The following RGL3 variants were observed in gnomAD, a reference collection of about 807,000 sequenced individuals.
RGL3 encodes the protein ral guanine nucleotide dissociation stimulator-like 3.
RGL3 carries 85 observed loss-of-function variants against 90.6 expected under a neutral mutation model. The ratio of observed to expected loss-of-function variants is 0.94; its 90% CI spans 0.79 to 1.12. The LOEUF is 1.12. Ranked by LOEUF, RGL3 falls within the 50% of genes most tolerant of loss-of-function variation. The probability of loss-of-function intolerance (pLI) is 0.00; values close to 1 mark genes in which losing one functional copy is unlikely to be tolerated. For missense variants in RGL3, 1,034 were observed against 939.2 expected (o/e 1.10, Z -1.32); for synonymous variants, 408 against 385.5 (o/e 1.06, Z -0.68).
chr19:11,397,741 G>T, intron 16 of RGL3, 144 bp from the exon 17 acceptor site: 1 of 856,866 alleles, frequency 1.2e-6, no homozygotes, highest in Non-Finnish European at 1.7e-6. Flanking sequence ...GGGCGCAGTG[G>T]CTCATGCCTG....
At chr19:11,413,704 T>C (rs1396752301) in intron 5 of RGL3, among the ~76,000 whole-genome samples, 1 of 149,268 alleles carries the variant, frequency 6.7e-6, no homozygotes, top group Non-Finnish European at 1.5e-5. Flanking sequence ...TGAATTTTAT[T>C]TAATTTTAAT....
At chr19:11,415,157 T>C (rs1197604878) in intron 5 of RGL3, among the ~76,000 whole-genome samples, 1 of 150,872 alleles carries the variant, frequency 6.6e-6, no homozygotes, top group Non-Finnish European at 1.5e-5. Flanking sequence ...AAAAATAAAA[T>C]TAAATTAAAT....
At position 11,407,466 on chromosome 19, in the gene RGL3, C is replaced by G. The variant is rs191891731; in HGVS notation, c.638-602G>C. ...AATTTGTCACACCTTTGGTAAATGG[C>G]AGGGCAGGGGTTTGAAGCCGGGTAC... On this transcript the variant is annotated intron_variant, in intron 5 of 18. Transcript: ENST00000380456. Among the ~76,000 whole-genome samples, 16 of 152,064 alleles carry G rather than the reference C, an allele frequency of 1.1e-4. No homozygotes were observed. In the East Asian group the frequency reaches 2.5e-3, roughly 24 times the overall value.
rs766688279 is a variant in RGL3, at chr19:11,400,224, T to C, written c.1558A>G (p.Ser520Gly). 3.8e-5 allele frequency: 61 copies of C among 1,594,608 alleles called. No homozygotes were observed. The South Asian group carries it at 6.8e-4, about 18-fold the overall frequency. The change falls in exon 14 of 19, where the codon AGC becomes GGC. Residue 520 changes from serine (S) to glycine (G), a missense_variant. Physicochemically the swap from Ser to Gly is moderately conservative, Grantham distance 56 (BLOSUM62 0). Transcript: ENST00000380456. ...PSSPRIRRRISLTKRLSAKLA... is the reference protein window; with the variant it reads ...PSSPRIRRRIGLTKRLSAKLA... ...CACGCACTGAGACGCTTGGTGAGGCTGATCCGCCGTCGGATGCGTGGGGAG... is the reference window on the plus strand; with the variant it reads ...CACGCACTGAGACGCTTGGTGAGGCCGATCCGCCGTCGGATGCGTGGGGAG...
Position 11,394,063 on chromosome 19 carries a change from C to T in RGL3, c.*339G>A, listed in dbSNP as rs1243893338. The T allele has an allele frequency of 1.2e-5, 3 of 241,662 alleles. No individual in the cohort carries two copies. Among genetic ancestry groups the T allele is most frequent in the Admixed American group, 5.0e-5 (1 of 19,926 alleles). 15.0% of individuals were successfully genotyped at this position (241,662 alleles called of 1,614,324 possible). On this transcript the variant is annotated 3_prime_UTR_variant, in exon 19 of 19. Coordinates refer to ENST00000380456, the MANE Select transcript of RGL3 (RefSeq NM_001035223.4). ...AAATAAACAAGACTGACACCTGTTTCATAACTCTGGTCACTATTTTCATCC... is the reference window on the plus strand; with the variant it reads ...AAATAAACAAGACTGACACCTGTTTTATAACTCTGGTCACTATTTTCATCC...
Position 11,400,253 on chromosome 19 carries a change from G to A in RGL3, c.1529C>T (p.Pro510Leu). 6.2e-7 allele frequency: 1 copy of A among 1,602,284 alleles called. No individual in the cohort carries two copies. Among genetic ancestry groups the A allele is most frequent in the Non-Finnish European group, 8.5e-7 (1 of 1,173,876 alleles). Reference protein sequence around the residue: ...RVIEPPAASCPSSPRIRRRIS... With the variant: ...RVIEPPAASCLSSPRIRRRIS... ...CCGCCGTCGGATGCGTGGGGAGCTG[G>A]GGCAGGAGGCAGCTGGTGGCTCAAT... Residue 510 changes from proline to leucine, a missense_variant, in exon 14 of 19, where the codon CCC becomes CTC. Transcript: ENST00000380456.
At chr19:11,400,325 G>A (rs764830278) in intron 13 of RGL3, 28 bp from the exon 14 acceptor site, 2 of 1,536,576 alleles carry the variant, frequency 1.3e-6, no homozygotes, top group East Asian at 4.6e-5. Context: ...GGATGAGGTG[G>A]TGGGGGCAGG....
chr19:11,399,915 G>C lies in RGL3; in HGVS notation c.1686C>G (p.Ser562Arg). Residue 562 changes from serine (S) to arginine (R), a missense_variant, in exon 16 of 19, where the codon AGC becomes AGG. Ser to Arg is a moderately radical substitution (Grantham distance 110, BLOSUM62 -1). Transcript: ENST00000380456. ...GGGGACTGCCAGCAGGAGCATCTCT[G>C]CTTCTAGGACTTGAGGGGGGTGACC... ...SPGSPPSSPRSRDAPAGSPPA... is the reference protein window; with the variant it reads ...SPGSPPSSPRRRDAPAGSPPA... The C allele has an allele frequency of 1.3e-6, 2 of 1,534,660 alleles. No individual in the cohort carries two copies. Among genetic ancestry groups the C allele is most frequent in the Non-Finnish European group, 8.7e-7 (1 of 1,146,466 alleles).
intron 18 of RGL3, 194 bp from the exon 19 acceptor site, chr19:11,394,714 C>T: frequency 1.8e-6 from 1 of 558,282 alleles, no homozygotes; most frequent in Admixed American, 3.0e-5. Context: ...TGCACCACCT[C>T]ATGCCTTCCC....
chr19:11,414,612 G>A (rs902310320), intron 5 of RGL3, among the ~76,000 whole-genome samples: 3 of 147,086 alleles, frequency 2.0e-5, no homozygotes, highest in African/African-American at 7.6e-5. Context: ...ACAGGAAGGT[G>A]GCCACTATAA....
intron 5 of RGL3, among the ~76,000 whole-genome samples, chr19:11,414,489 TCATATATATATATATA>T: frequency 3.9e-5 from 1 of 25,342 alleles, no homozygotes; most frequent in African/African-American, 1.8e-4. Flanking sequence ...ATATACACCT[TCATATATATATATATA>T]TATATATATA....
intron 8 of RGL3, 25 bp from the exon 9 acceptor site, chr19:11,405,256 C>A: frequency 6.2e-7 from 1 of 1,613,352 alleles, no homozygotes; most frequent in South Asian, 1.1e-5. Context: ...GAAGGGTGGT[C>A]AGGGGTCAGT....
chr19:11,410,145 T>A (rs923256612), intron 5 of RGL3, among the ~76,000 whole-genome samples: 4 of 149,718 alleles, frequency 2.7e-5, no homozygotes, highest in Non-Finnish European at 5.9e-5. Context: ...ATTTATTTAT[T>A]TTTTATTTTA....
Position 11,405,234 on chromosome 19 carries a change from G to A in RGL3, c.1101-3C>T. ...TCCTGAAAGTAGATAGCGGTTCCCTGGAAGGACAGGAGAAGGGTGGTCAGG... is the reference window on the plus strand; with the variant it reads ...TCCTGAAAGTAGATAGCGGTTCCCTAGAAGGACAGGAGAAGGGTGGTCAGG... On this transcript the variant is annotated splice_polypyrimidine_tract_variant and splice_region_variant and intron_variant, in intron 8 of 18. Coordinates refer to ENST00000380456, the MANE Select transcript of RGL3 (RefSeq NM_001035223.4). 6.2e-7 allele frequency: 1 copy of A among 1,614,048 alleles called. No homozygotes were observed. The highest frequency in any genetic ancestry group is 8.5e-7 in the Non-Finnish European group (1 of 1,179,942).
chr19:11,415,756 G>A (rs999051792), intron 5 of RGL3, among the ~76,000 whole-genome samples, 181 bp downstream of exon 5: 2 of 152,136 alleles, frequency 1.3e-5, no homozygotes, highest in East Asian at 1.9e-4. Context: ...ATACAGGCGT[G>A]AGCCACCACG....
At chr19:11,398,643 GCCTTCATTT>G (rs917088536) in intron 16 of RGL3, among the ~76,000 whole-genome samples, 3 of 151,630 alleles carry the variant, frequency 2.0e-5, no homozygotes, top group South Asian at 2.1e-4. Context: ...ACCATGCCCA[GCCTTCATTT>G]CCTTCATTTC....
Position 11,406,804 on chromosome 19 carries a change from T to C in RGL3, c.698A>G (p.Glu233Gly). ...PDSSEACAEEEEGLMPQGPQL... is the reference protein window; with the variant it reads ...PDSSEACAEEGEGLMPQGPQL... ...GGGACCTTGAGGCATGAGCCCTTCC[T>C]CTTCCTCCGCGCAGGCCTCTGAAGA... The change falls in exon 6 of 19, where the codon GAG becomes GGG. Residue 233 changes from glutamate (E) to glycine (G), a missense_variant. Physicochemically the swap from Glu to Gly is moderately conservative, Grantham distance 98. Transcript: ENST00000380456. 6.2e-7 allele frequency: 1 copy of C among 1,613,804 alleles called. No individual in the cohort carries two copies. The highest frequency in any genetic ancestry group is 8.5e-7 in the Non-Finnish European group (1 of 1,179,878).
intron 9 of RGL3, among the ~76,000 whole-genome samples, chr19:11,404,683 T>C (rs1211738514): frequency 2.0e-5 from 3 of 152,050 alleles, no homozygotes; most frequent in Admixed American, 6.6e-5. Flanking sequence ...AGTGAGCAAG[T>C]TGCATGCAAA....
intron 5 of RGL3, 138 bp downstream of exon 5, chr19:11,415,799 A>T: frequency 1.2e-6 from 1 of 803,082 alleles, no homozygotes; most frequent in Non-Finnish European, 2.0e-6. Context: ...TCCCCATTGT[A>T]AAGATGAAGA....
Sources: allele counts gnomAD v4.1 joint callset (sites outside exome capture counted in the v4.1 genomes callset), GRCh38; gene constraint gnomAD v4.1.1; transcripts MANE v1.5; gene names NCBI Gene and HGNC (gene_info 2026-07-23, HGNC 2026-07-21).